The following RPRD2 variants were observed in gnomAD, a reference collection of about 807,000 sequenced individuals.
RPRD2 encodes the protein regulation of nuclear pre-mRNA domain-containing protein 2.
A neutral mutation model predicts 104.4 loss-of-function variants in RPRD2; 12 were observed. The ratio of observed to expected loss-of-function variants is 0.11; its 90% CI spans 0.07 to 0.19. The LOEUF is 0.19. Among genes scored for constraint, RPRD2 ranks in the 10% least tolerant of loss-of-function variants. RPRD2 has a pLI of 1.00. For synonymous variants in RPRD2, 714 were observed against 684.9 expected (o/e 1.04, Z -0.66); for missense variants, 1,543 against 1,790.1 (o/e 0.86, Z 2.49).
chr1:150,395,615 A>T (rs1271025580), intron 1 of RPRD2, among the ~76,000 whole-genome samples: 2 of 150,204 alleles, frequency 1.3e-5, no homozygotes, highest in East Asian at 3.9e-4. Context: ...GTGTTCAAGC[A>T]GTTCTGCTGC....
chr1:150,366,219 T>A (rs1659830948), intron 1 of RPRD2, among the ~76,000 whole-genome samples: 1 of 152,260 alleles, frequency 6.6e-6, no homozygotes, highest in Non-Finnish European at 1.5e-5. Context: ...ATTTCACCAG[T>A]GAGACCCATC....
intron 1 of RPRD2, among the ~76,000 whole-genome samples, chr1:150,392,229 G>T (rs1662135155): frequency 6.6e-6 from 1 of 151,938 alleles, no homozygotes. Flanking sequence ...ATTTAGGGGT[G>T]GGTGCAGTGG....
In RPRD2 at chr1:150,385,109, C is replaced by T. The variant is rs367692849; in HGVS notation, c.205+20190C>T. ...TGAGCCAAGATTACTTTTTGTAATA[C>T]TAGTATTAATATAACATTTGGGTTT... On this transcript the variant is annotated intron_variant, in intron 1 of 10. Coordinates refer to ENST00000369068, the MANE Select transcript of RPRD2 (RefSeq NM_015203.5). Among the ~76,000 whole-genome samples, 6 of 152,024 alleles carry T rather than the reference C, an allele frequency of 3.9e-5. 1 individual carries two copies. Among genetic ancestry groups the T allele is most frequent in the African/African-American group, 1.5e-4 (6 of 41,370 alleles).
chr1:150,418,678 A>G (rs782134136), intron 2 of RPRD2, among the ~76,000 whole-genome samples: 1 of 152,156 alleles, frequency 6.6e-6, no homozygotes, highest in Non-Finnish European at 1.5e-5. Context: ...TACCATATCA[A>G]TAATTTTATT....
In RPRD2 at chr1:150,421,265, C is replaced by A. The variant is rs587706099; in HGVS notation, c.335+3540C>A. Among the ~76,000 whole-genome samples, 6 of 152,156 alleles carry A rather than the reference C, an allele frequency of 3.9e-5. No homozygotes were observed. The East Asian group carries it at 1.2e-3, about 29-fold the overall frequency. ...ACTGTAATTAGGAAGAAAGATTTAT[C>A]TTGCAAGACAAAAAATAAAAGAAAA... On this transcript the variant is annotated intron_variant, in intron 2 of 10. Coordinates refer to ENST00000369068, the MANE Select transcript of RPRD2 (RefSeq NM_015203.5).
intron 1 of RPRD2, among the ~76,000 whole-genome samples, chr1:150,382,737 G>A (rs1553881021): frequency 6.6e-6 from 1 of 152,174 alleles, no homozygotes; most frequent in East Asian, 1.9e-4. Context: ...TTGGGAGGCT[G>A]AAATGGGAGG....
chr1:150,463,285 T>C (rs1668058661), intron 9 of RPRD2, among the ~76,000 whole-genome samples: 1 of 152,096 alleles, frequency 6.6e-6, no homozygotes, highest in South Asian at 2.1e-4. Flanking sequence ...TGATCACGCC[T>C]GTGAATGTCC....
intron 7 of RPRD2, among the ~76,000 whole-genome samples, chr1:150,450,605 CAA>C (rs1186175962): frequency 0.12 from 6,237 of 50,612 alleles, 169 homozygotes; most frequent in Non-Finnish European, 0.14. Flanking sequence ...GACTCCGTCT[CAA>C]AAAAAAAAAA....
chr1:150,428,492 C>G (rs1255870403), intron 2 of RPRD2, among the ~76,000 whole-genome samples: 1 of 148,808 alleles, frequency 6.7e-6, no homozygotes, highest in Non-Finnish European at 1.5e-5. Flanking sequence ...TATCCTCATT[C>G]ACTGTTTTTC....
rs587652196 is a variant in RPRD2 at position 150,404,536 on chromosome 1, C to T, written c.206-13060C>T. On this transcript the variant is annotated intron_variant, in intron 1 of 10. Transcript: ENST00000369068. ...AAGTGCTAGGATTACAGGTGTGAGC[C>T]ACCACACCTGGCCTAAGAAGTCTGT... Among the ~76,000 whole-genome samples the T allele has an allele frequency of 4.6e-4, 70 of 152,188 alleles. 2 individuals are homozygous for T. The South Asian group carries it at 0.013, about 28-fold the overall frequency.
chr1:150,465,682 T>G (rs1382811760), intron 10 of RPRD2, among the ~76,000 whole-genome samples: 1 of 152,176 alleles, frequency 6.6e-6, no homozygotes, highest in East Asian at 1.9e-4. Context: ...TAGTCCCAGC[T>G]TTTAATACAG....
chr1:150,387,566 C>CTTTTTTTT lies in RPRD2; in HGVS notation c.205+22647_205+22648insTTTTTTTT, dbSNP rs1661661325. Among the ~76,000 whole-genome samples, 10 of 70,114 alleles carry CTTTTTTTT rather than the reference C, an allele frequency of 1.4e-4. 1 individual carries two copies. Among genetic ancestry groups the CTTTTTTTT allele is most frequent in the Non-Finnish European group, 2.3e-4 (8 of 34,168 alleles). 46.0% of individuals were successfully genotyped at this position (70,114 alleles called of 152,430 possible). A position where few individuals can be genotyped will look rare whatever the true frequency, so the allele number is the denominator to read the frequency against. On this transcript the variant is annotated intron_variant, in intron 1 of 10. Transcript: ENST00000369068. ...TAAATCTTACAGAAGTTGCAACAGA[C>CTTTTTTTT]CTTTTTTTTTTTTTTTTTTTTTTTT...
chr1:150,422,367 T>TAATAATAAA (rs1407375626), intron 2 of RPRD2, among the ~76,000 whole-genome samples: 5,526 of 111,920 alleles, frequency 0.049, 146 homozygotes, highest in Non-Finnish European at 0.076. Context: ...ATAATAATAA[T>TAATAATAAA]AAATAAAATT....
chr1:150,472,641 A>G lies in RPRD2; in HGVS notation c.3693A>G (p.Ala1231=), dbSNP rs754925058. 4.3e-6 allele frequency: 7 copies of G among 1,613,706 alleles called. No homozygotes were observed. Among genetic ancestry groups the G allele is most frequent in the Non-Finnish European group, 5.9e-6 (7 of 1,179,740 alleles). Residue 1231 remains alanine, a synonymous_variant, in exon 11 of 11, where the codon GCA becomes GCG. Transcript: ENST00000369068. ...KDHGGIFSRD[A]PTHLPSVDLS... ...ATGGTGGTATCTTCTCTCGAGATGC[A>G]CCCACTCATCTACCCTCTGTGGATC... is the stretch of plus-strand genomic sequence containing the variant.
At chr1:150,373,440 ATTTAAT>A (rs1660467083) in intron 1 of RPRD2, among the ~76,000 whole-genome samples, 1 of 151,724 alleles carries the variant, frequency 6.6e-6, no homozygotes. Context: ...GTGATAAGTA[ATTTAAT>A]TCTAGATCTA....
chr1:150,421,979 A>C (rs1553889678), intron 2 of RPRD2, among the ~76,000 whole-genome samples: 3 of 145,332 alleles, frequency 2.1e-5, no homozygotes, highest in Admixed American at 1.4e-4. Flanking sequence ...GCAAGACGCT[A>C]TCTCTTAAAT....
intron 7 of RPRD2, among the ~76,000 whole-genome samples, chr1:150,451,230 T>G (rs1560213424): frequency 6.6e-6 from 1 of 152,170 alleles, no homozygotes; most frequent in Non-Finnish European, 1.5e-5. Flanking sequence ...ACAGAAGTGA[T>G]TCTGTGTTCT....
chr1:150,384,535 G>A (rs1260422), intron 1 of RPRD2, among the ~76,000 whole-genome samples: 49,504 of 150,202 alleles, frequency 0.33, 8,898 homozygotes, highest in Non-Finnish European at 0.4. Flanking sequence ...GCAGTGGCAC[G>A]ATCTCTGCTC....
chr1:150,416,949 G>A lies in RPRD2; in HGVS notation c.206-647G>A, dbSNP rs933523029. 1.3e-4 allele frequency among the ~76,000 whole-genome samples: 20 copies of A among 151,144 alleles called. No homozygotes were observed. In the East Asian group the frequency reaches 3.9e-3, roughly 30 times the overall value. On this transcript the variant is annotated intron_variant, in intron 1 of 10. Coordinates refer to ENST00000369068, the MANE Select transcript of RPRD2 (RefSeq NM_015203.5). ...TGCATACATAGGATCATATTATTTT[G>A]CAGGACATTCGTCTAGTGATGAAAG...
Sources: gnomAD v4.1 joint callset for allele counts (sites outside exome capture counted in the v4.1 genomes callset) on GRCh38, gnomAD v4.1.1 for gene constraint, MANE v1.5 for transcripts, NCBI Gene and HGNC (gene_info 2026-07-23, HGNC 2026-07-21) for gene names.